FOXN4: variants seen among roughly 807,000 people sequenced by gnomAD.
FOXN4 encodes forkhead box N4.
Under a neutral mutation model 45.0 loss-of-function variants are expected in FOXN4, and 12 were observed. The observed-to-expected ratio is 0.27, with a 90% CI of 0.17 to 0.43. FOXN4 has a LOEUF of 0.43. Ranked by LOEUF, FOXN4 falls within the 20% of genes least tolerant of loss-of-function variation. FOXN4 has a pLI of 1.00. For missense variants in FOXN4, 560 were observed against 694.9 expected (o/e 0.81, Z 2.18); for synonymous variants, 297 against 295.0 (o/e 1.01, Z -0.07).
intron 2 of FOXN4, among the ~76,000 whole-genome samples, chr12:109,296,012 C>T (rs1593781348): frequency 6.6e-6 from 1 of 152,176 alleles, no homozygotes; most frequent in Non-Finnish European, 1.5e-5. Flanking sequence ...AGGCAGAGCA[C>T]CCACAAGAGC....
In FOXN4 at chr12:109,290,425, A is replaced by C. The variant is rs75316882; in HGVS notation, c.87-139T>G. 2,492 of 1,038,704 alleles carry C rather than the reference A, an allele frequency of 2.4e-3. 84 individuals are homozygous for C. The East Asian group carries it at 0.066, about 27-fold the overall frequency. The allele number at this position is 1,038,704 out of a possible 1,614,324, so 64.3% of individuals were successfully genotyped here. On this transcript the variant is annotated intron_variant, in intron 2 of 9. Transcript: ENST00000299162. The surrounding 1 kb of genome is among the most constrained non-coding windows in gnomAD (Gnocchi z 5.1). ...CCAGCCCTCCAACCTGCCCGTCCCC[A>C]GGACTGGACACGGGAACCTGGTCCC...
chr12:109,301,222 C>A (rs1593786054), intron 2 of FOXN4, among the ~76,000 whole-genome samples: 1 of 152,204 alleles, frequency 6.6e-6, no homozygotes, highest in Non-Finnish European at 1.5e-5. Flanking sequence ...ACTCAATGCC[C>A]TTTGAACCCC....
Position 109,291,166 on chromosome 12 carries a change from T to C in FOXN4, c.87-880A>G, listed in dbSNP as rs1038148161. On this transcript the variant is annotated intron_variant, in intron 2 of 9. Coordinates refer to ENST00000299162, the MANE Select transcript of FOXN4 (RefSeq NM_213596.3). The surrounding 1 kb of genome is among the most constrained non-coding windows in gnomAD (Gnocchi z 6.6). ...TGGGCAAAACATCGGTTGTAGTGGA[T>C]GTAGGATAGCTGCCCATGGAGGTGC... 6.6e-6 allele frequency among the ~76,000 whole-genome samples: 1 copy of C among 151,964 alleles called. No individual in the cohort carries two copies. The highest frequency in any genetic ancestry group is 2.4e-5 in the African/African-American group (1 of 41,392).
chr12:109,282,420 C>A (rs1445725737), intron 8 of FOXN4, among the ~76,000 whole-genome samples: 3 of 151,994 alleles, frequency 2.0e-5, no homozygotes, highest in Non-Finnish European at 4.4e-5. Flanking sequence ...TGTACTCCAG[C>A]CTGGGTGATA....
chr12:109,285,577 T>G, intron 7 of FOXN4, 66 bp from the exon 8 acceptor site: 1 of 1,559,768 alleles, frequency 6.4e-7, no homozygotes, highest in Non-Finnish European at 8.8e-7. Context: ...GGGGATCTCC[T>G]ACTCAGGCCT....
At chr12:109,300,286 G>A (rs1438498857) in intron 2 of FOXN4, among the ~76,000 whole-genome samples, 2 of 152,092 alleles carry the variant, frequency 1.3e-5, no homozygotes, top group African/African-American at 4.8e-5. Flanking sequence ...GCAACTGTCC[G>A]CATCCAAGGA....
intron 2 of FOXN4, among the ~76,000 whole-genome samples, chr12:109,305,840 T>G (rs2047917158): frequency 6.6e-6 from 1 of 152,150 alleles, no homozygotes; most frequent in Non-Finnish European, 1.5e-5. Context: ...CACCTCTGGA[T>G]CCAGTGCTGA....
chr12:109,286,561 G>T (rs558997463), intron 7 of FOXN4, 87 bp downstream of exon 7: 4 of 1,322,678 alleles, frequency 3.0e-6, no homozygotes, highest in East Asian at 2.5e-5. Context: ...AACCAAAGAG[G>T]GTTGGCCCAG....
At chr12:109,280,345 A>G (rs2047641329) in intron 9 of FOXN4, among the ~76,000 whole-genome samples, 1 of 141,956 alleles carries the variant, frequency 7.0e-6, no homozygotes, top group Non-Finnish European at 1.5e-5. Context: ...TCCACCTCAA[A>G]AAAAAAAAAA....
chr12:109,307,564 C>T (rs1378390939), intron 2 of FOXN4, among the ~76,000 whole-genome samples: 2 of 152,094 alleles, frequency 1.3e-5, no homozygotes, highest in Non-Finnish European at 2.9e-5. Flanking sequence ...CTCCTAAAGG[C>T]CTTTTTGGCT....
Position 109,288,308 on chromosome 12 carries a change from G to A in FOXN4, c.233-128C>T, listed in dbSNP as rs2047735308. On this transcript the variant is annotated intron_variant, in intron 3 of 9. Transcript: ENST00000299162. The surrounding 1 kb of genome is among the most constrained non-coding windows in gnomAD (Gnocchi z 4.3). The stretch of plus-strand genomic sequence containing the variant: ...TTTCCTCGGACCAGGCACATAGTAG[G>A]TGCTTGGCAAATCACTTCCCTGGTG... 1 of 1,315,610 alleles carries A rather than the reference G, an allele frequency of 7.6e-7. No individual in the cohort carries two copies. Among genetic ancestry groups the A allele is most frequent in the African/African-American group, 1.5e-5 (1 of 66,552 alleles). 81.5% of individuals were successfully genotyped at this position (1,315,610 alleles called of 1,614,324 possible). A position where few individuals can be genotyped will look rare whatever the true frequency, so the allele number is the denominator to read the frequency against.
Position 109,281,424 on chromosome 12 carries a change from A to G in FOXN4, c.1277T>C (p.Met426Thr), listed in dbSNP as rs770067623. ...TEVDALDPSI[M>T]DFALQGNLWE... ...AGCCTCACCCTGCAGAGCGAAGTCCATGATGCTCGGGTCGAGGGCATCCAC... is the reference window on the plus strand; with the variant it reads ...AGCCTCACCCTGCAGAGCGAAGTCCGTGATGCTCGGGTCGAGGGCATCCAC... Residue 426 changes from methionine to threonine, a missense_variant, in exon 9 of 10, where the codon ATG (methionine) becomes ACG (threonine). Met to Thr is a moderately conservative substitution (Grantham distance 81). Transcript: ENST00000299162. The G allele has an allele frequency of 1.2e-6, 2 of 1,613,956 alleles. No individual in the cohort carries two copies. Among genetic ancestry groups the G allele is most frequent in the Non-Finnish European group, 1.7e-6 (2 of 1,179,892 alleles).
chr12:109,280,585 CTCTT>C (rs1485632920), intron 9 of FOXN4, among the ~76,000 whole-genome samples: 2 of 152,168 alleles, frequency 1.3e-5, no homozygotes, highest in Non-Finnish European at 2.9e-5. Context: ...GACAATGTTT[CTCTT>C]TCTTCAGCAC....
rs534363448 is a variant in FOXN4, at chr12:109,293,474, C to T, written c.87-3188G>A. Reference sequence around the variant, plus strand: ...AGTGTTGGCTCCAAACCCCATATTGCCCCATGTCCTTGCACACAGTGGGTG... The same window carrying T: ...AGTGTTGGCTCCAAACCCCATATTGTCCCATGTCCTTGCACACAGTGGGTG... On this transcript the variant is annotated intron_variant, in intron 2 of 9. Transcript: ENST00000299162. Among the ~76,000 whole-genome samples, 17 of 152,276 alleles carry T rather than the reference C, an allele frequency of 1.1e-4. No homozygotes were observed. In the East Asian group the frequency reaches 3.3e-3, roughly 29 times the overall value.
chr12:109,295,051 G>T (rs1266632573), intron 2 of FOXN4, among the ~76,000 whole-genome samples: 1 of 152,108 alleles, frequency 6.6e-6, no homozygotes, highest in East Asian at 1.9e-4. Flanking sequence ...GCCAGCCTCA[G>T]TTTCCCACCT....
chr12:109,303,113 A>ATG (rs1255495838), intron 2 of FOXN4, among the ~76,000 whole-genome samples: 1 of 152,168 alleles, frequency 6.6e-6, no homozygotes, highest in East Asian at 1.9e-4. Flanking sequence ...TAGAATGTGC[A>ATG]TGTGTGTGTG....
intron 2 of FOXN4, among the ~76,000 whole-genome samples, chr12:109,302,894 T>C (rs989642883): frequency 6.6e-6 from 1 of 152,164 alleles, no homozygotes; most frequent in African/African-American, 2.4e-5. Flanking sequence ...AATCCAACCA[T>C]TACACAAAAA....
At position 109,287,742 on chromosome 12, in the gene FOXN4, C is replaced by A; in HGVS notation, c.468+102G>T. ...GACATGAGCATGGAGGGAATGTTAT[C>A]CCCATGTGCTGGGTGAGTAAACTGA... is the stretch of plus-strand genomic sequence containing the variant. On this transcript the variant is annotated intron_variant, in intron 5 of 9. Coordinates refer to ENST00000299162, the MANE Select transcript of FOXN4 (RefSeq NM_213596.3). The surrounding 1 kb of genome is among the most constrained non-coding windows in gnomAD (Gnocchi z 4.1). 8.4e-7 allele frequency: 1 copy of A among 1,186,182 alleles called. No homozygotes were observed. Among genetic ancestry groups the A allele is most frequent in the Admixed American group, 2.9e-5 (1 of 35,030 alleles). The allele number at this position is 1,186,182 out of a possible 1,614,324, so 73.5% of individuals were successfully genotyped here.
rs758207379 is a variant in FOXN4 at position 109,285,291 on chromosome 12, G to A, written c.901+13C>T. On this transcript the variant is annotated intron_variant, in intron 8 of 9. Transcript: ENST00000299162. ...TGTGTGTGTGCGCGCACTGCGGGCT[G>A]TCCGGCCCTCACCAGGGTTGGCCAT... The A allele has an allele frequency of 2.5e-6, 4 of 1,581,722 alleles. No individual in the cohort carries two copies. The African/African-American group carries it at 4.2e-5, about 17-fold the overall frequency.
Sources: allele counts gnomAD v4.1 joint callset (sites outside exome capture counted in the v4.1 genomes callset), GRCh38; gene constraint gnomAD v4.1.1; non-coding constraint Gnocchi (gnomAD v3.1); transcripts MANE v1.5; gene names NCBI Gene and HGNC (gene_info 2026-07-23, HGNC 2026-07-21).